The following ATP6V0E1 variants were observed in gnomAD, a reference collection of about 807,000 sequenced individuals.
ATP6V0E1 encodes ATPase H+ transporting V0 subunit e1.
ATP6V0E1 carries 4 observed loss-of-function variants against 11.6 expected under a neutral mutation model. The ratio of observed to expected loss-of-function variants is 0.35; its 90% CI spans 0.17 to 0.79. The LOEUF (loss-of-function observed/expected upper bound fraction) is 0.79, where lower values mean the gene tolerates loss of function less well. Ranked by LOEUF, ATP6V0E1 falls within the 30% of genes least tolerant of loss-of-function variation. The pLI is 0.54. For synonymous variants in ATP6V0E1, 36 were observed against 34.8 expected, an observed-to-expected ratio of 1.04 and a Z score of -0.13; for missense variants, 105 against 100.0, an observed-to-expected ratio of 1.05 and a Z score of -0.21.
intron 1 of ATP6V0E1, among the ~76,000 whole-genome samples, chr5:172,985,564 C>G (rs901158123): frequency 6.6e-6 from 1 of 152,074 alleles, no homozygotes; most frequent in African/African-American, 2.4e-5. Context: ...CAACAAAGTG[C>G]TTCTTTGTTG....
At chr5:172,997,471 T>C (rs961529817) in intron 2 of ATP6V0E1, among the ~76,000 whole-genome samples, 2 of 152,020 alleles carry the variant, frequency 1.3e-5, no homozygotes, top group African/African-American at 4.8e-5. Flanking sequence ...TCTTTAAAAA[T>C]CTGTTACTCC....
chr5:173,009,571 T>A, intron 2 of ATP6V0E1, among the ~76,000 whole-genome samples: 1 of 151,016 alleles, frequency 6.6e-6, no homozygotes, highest in Admixed American at 6.6e-5. Flanking sequence ...TTCAAGTGAT[T>A]CTCGTGCCTC....
intron 3 of ATP6V0E1, among the ~76,000 whole-genome samples, chr5:173,021,534 T>C (rs1338660214): frequency 6.6e-6 from 1 of 151,920 alleles, no homozygotes; most frequent in African/African-American, 2.4e-5. Flanking sequence ...TCCCACCAGG[T>C]CCCTCCCACA....
chr5:173,016,912 T>C (rs1756408716), intron 2 of ATP6V0E1, among the ~76,000 whole-genome samples: 1 of 152,192 alleles, frequency 6.6e-6, no homozygotes, highest in South Asian at 2.1e-4. Flanking sequence ...AACTTTTTGT[T>C]TATTAAGTGA....
At chr5:173,016,590 T>C (rs1756403448) in intron 2 of ATP6V0E1, among the ~76,000 whole-genome samples, 2 of 152,228 alleles carry the variant, frequency 1.3e-5, no homozygotes, top group South Asian at 4.1e-4. Flanking sequence ...TAAATTCTAA[T>C]GGATTTTTTT....
chr5:173,020,202 C>G (rs762220205), intron 2 of ATP6V0E1, 36 bp from the exon 3 acceptor site: 1 of 1,526,830 alleles, frequency 6.5e-7, no homozygotes, highest in Non-Finnish European at 9.1e-7. Flanking sequence ...AACATGATTT[C>G]ACCGCTTCGT....
intron 3 of ATP6V0E1, among the ~76,000 whole-genome samples, chr5:173,030,120 C>T (rs958332000): frequency 2.0e-5 from 3 of 152,204 alleles, no homozygotes; most frequent in Non-Finnish European, 4.4e-5. Flanking sequence ...AATCCTAGCA[C>T]TTCCTTCCTT....
At chr5:173,033,442 C>G (rs577703606) in intron 3 of ATP6V0E1, among the ~76,000 whole-genome samples, 2 of 152,134 alleles carry the variant, frequency 1.3e-5, no homozygotes, top group Non-Finnish European at 2.9e-5. Context: ...AGAAAATTAT[C>G]CCTAGATTAA....
intron 2 of ATP6V0E1, among the ~76,000 whole-genome samples, chr5:173,015,394 G>C (rs919379141): frequency 6.6e-6 from 1 of 152,184 alleles, no homozygotes. Flanking sequence ...ATGCTAATGA[G>C]TTGACTGATG....
At chr5:173,016,679 T>C (rs1048195906) in intron 2 of ATP6V0E1, among the ~76,000 whole-genome samples, 1 of 152,194 alleles carries the variant, frequency 6.6e-6, no homozygotes, top group African/African-American at 2.4e-5. Context: ...CCTGCCGGGA[T>C]TGGGGAAGTC....
At chr5:172,990,309 T>TCAGG (rs950100490) in intron 1 of ATP6V0E1, among the ~76,000 whole-genome samples, 20 of 152,262 alleles carry the variant, frequency 1.3e-4, no homozygotes, top group African/African-American at 4.8e-4. Flanking sequence ...CTTTCCTGAT[T>TCAGG]CCTGACCATT....
At chr5:173,011,173 A>G (rs1228909473) in intron 2 of ATP6V0E1, among the ~76,000 whole-genome samples, 1 of 119,434 alleles carries the variant, frequency 8.4e-6, no homozygotes, top group African/African-American at 3.5e-5. Flanking sequence ...TGCCTGATTT[A>G]TCTTTTTTTT....
chr5:173,032,249 TTTTA>T (rs1205061181), intron 3 of ATP6V0E1, among the ~76,000 whole-genome samples: 1,975 of 132,082 alleles, frequency 0.015, 21 homozygotes, highest in Middle Eastern at 0.028. Context: ...TTTTATTTTA[TTTTA>T]TTTATTTATT....
chr5:173,016,244 C>A (rs1038169677), intron 2 of ATP6V0E1, among the ~76,000 whole-genome samples: 1 of 152,148 alleles, frequency 6.6e-6, no homozygotes, highest in Non-Finnish European at 1.5e-5. Context: ...GCTGATGCTA[C>A]CTCCAGGCAG....
intron 1 of ATP6V0E1, among the ~76,000 whole-genome samples, chr5:172,990,988 C>T (rs928352752): frequency 3.3e-5 from 5 of 152,126 alleles, no homozygotes; most frequent in East Asian, 1.9e-4. Flanking sequence ...AGTCTCCCTG[C>T]GTTGCCAAGG....
intron 3 of ATP6V0E1, among the ~76,000 whole-genome samples, chr5:173,024,197 CAAAAAAAAA>C (rs56837002): frequency 8.2e-5 from 6 of 73,494 alleles, no homozygotes; most frequent in Admixed American, 3.3e-4. Context: ...GACTCCGTCT[CAAAAAAAAA>C]AAAAAAAAAA....
intron 1 of ATP6V0E1, among the ~76,000 whole-genome samples, chr5:172,990,186 G>A (rs1297021070): frequency 3.3e-5 from 5 of 151,712 alleles, no homozygotes; most frequent in Non-Finnish European, 4.4e-5. Context: ...AATAGCCTAC[G>A]ATCACTTGGA....
chr5:172,989,990 C>T (rs546103385), intron 1 of ATP6V0E1, among the ~76,000 whole-genome samples: 41 of 152,200 alleles, frequency 2.7e-4, no homozygotes, highest in Admixed American at 1.6e-3. Flanking sequence ...CATGCACCAC[C>T]ATGCCCAACC....
At chr5:172,997,855 G>A (rs190977672) in intron 2 of ATP6V0E1, among the ~76,000 whole-genome samples, 1,569 of 151,796 alleles carry the variant, frequency 0.01, 17 homozygotes, top group Non-Finnish European at 0.018. Context: ...GGTGGCTCAC[G>A]CCTGTAATCC....
Sources: gnomAD v4.1 joint callset for allele counts (sites outside exome capture counted in the v4.1 genomes callset) on GRCh38, gnomAD v4.1.1 for gene constraint, MANE v1.5 for transcripts, NCBI Gene and HGNC (gene_info 2026-07-23, HGNC 2026-07-21) for gene names.